The following PIAS3 variants were observed in gnomAD, a reference collection of about 807,000 sequenced individuals.
The protein encoded by PIAS3 is protein inhibitor of activated STAT 3, also known as E3 SUMO-protein ligase PIAS3.
In PIAS3, 34 loss-of-function variants were observed where a neutral mutation model predicts 67.6. That is an observed-to-expected ratio of 0.50 (90% confidence interval 0.38 to 0.67). The LOEUF (loss-of-function observed/expected upper bound fraction) is 0.67, where lower values mean the gene tolerates loss of function less well. PIAS3 is among the 30% of genes least tolerant of loss of function. PIAS3 has a pLI of 0.00. For synonymous variants in PIAS3, 341 were observed against 313.8 expected (o/e 1.09, Z -0.92); for missense variants, 693 against 791.6 (o/e 0.88, Z 1.49).
At chr1:145,857,618 C>A (rs1347167587) in intron 1 of PIAS3, among the ~76,000 whole-genome samples, 2 of 152,176 alleles carry the variant, frequency 1.3e-5, no homozygotes, top group African/African-American at 2.4e-5. Flanking sequence ...GGGTTCAATG[C>A]TCATAACTTC....
At position 145,854,546 on chromosome 1, in the gene PIAS3, C is replaced by T; in HGVS notation, c.822G>A (p.Val274=). The T allele has an allele frequency of 6.2e-7, 1 of 1,613,780 alleles. No homozygotes were observed. The highest frequency in any genetic ancestry group is 8.5e-7 in the Non-Finnish European group (1 of 1,179,696). The part of the protein sequence containing the change: ...SEFGRNYSLS[V]YLVRQLTAGT... Reference sequence around the variant, plus strand: ...CTGCAGTCAACTGCCTCACCAGGTACACAGACAAGGAGTAATTCTACTTGG... The same window carrying T: ...CTGCAGTCAACTGCCTCACCAGGTATACAGACAAGGAGTAATTCTACTTGG... The change falls in exon 7 of 14, where the codon GTG becomes GTA. Residue 274 remains valine (V), a synonymous_variant. Transcript: ENST00000393045.
intron 11 of PIAS3, 83 bp from the exon 12 acceptor site, chr1:145,850,669 C>G (rs782655796): frequency 6.3e-7 from 1 of 1,595,778 alleles, no homozygotes; most frequent in South Asian, 1.1e-5. Flanking sequence ...CTCTCTGTCC[C>G]CTCCACATTT....
At position 145,850,832 on chromosome 1, in the gene PIAS3, G is replaced by A. The variant is rs782648846; in HGVS notation, c.1387C>T (p.Pro463Ser). ...GTGACAGAACAGTGCTTCTTGGTAG[G>A]GGGCAGATCCTCCTCATCTGATGAG... Reference protein sequence around the residue: ...ESSSDEEDLPPTKKHCSVTSA... With the variant: ...ESSSDEEDLPSTKKHCSVTSA... The change falls in exon 11 of 14, where the codon CCT becomes TCT. Residue 463 changes from proline to serine, a missense_variant. Physicochemically the swap from Pro to Ser is moderately conservative, Grantham distance 74. Transcript: ENST00000393045. 3.1e-6 allele frequency: 5 copies of A among 1,614,222 alleles called. No homozygotes were observed. Among genetic ancestry groups the A allele is most frequent in the Middle Eastern group, 1.6e-4 (1 of 6,062 alleles).
chr1:145,853,927 C>A, intron 7 of PIAS3, 41 bp from the exon 8 acceptor site: 1 of 1,579,356 alleles, frequency 6.3e-7, no homozygotes, highest in Non-Finnish European at 8.7e-7. Flanking sequence ...GTCAGCAAGG[C>A]TGGAGGAAGC....
chr1:145,851,580 CA>C (rs1652965347), intron 9 of PIAS3, among the ~76,000 whole-genome samples: 1 of 147,932 alleles, frequency 6.8e-6, no homozygotes, highest in Non-Finnish European at 1.5e-5. Flanking sequence ...CGCTTGAACC[CA>C]GGAGGCAGAG....
chr1:145,856,968 C>T lies in PIAS3; in HGVS notation c.63G>A (p.Val21=). 1.2e-6 allele frequency: 2 copies of T among 1,614,146 alleles called. No individual in the cohort carries two copies. The highest frequency in any genetic ancestry group is 1.7e-6 in the Non-Finnish European group (2 of 1,180,002). Residue 21 remains valine, a synonymous_variant, in exon 2 of 14, where the codon GTG becomes GTA. Transcript: ENST00000393045. ...TGTTCCGGCCAGCAAAGCCAAGAAG[C>T]ACCTGGAGCTCAGACACCCGGAAAC... ...VMSFRVSELQ[V]LLGFAGRNKS...
intron 5 of PIAS3, among the ~76,000 whole-genome samples, chr1:145,855,483 CA>C (rs200826641): frequency 2.8e-4 from 36 of 129,426 alleles, no homozygotes; most frequent in Non-Finnish European, 2.8e-4. Flanking sequence ...GACTCTGTCT[CA>C]AAAAAAAAAA....
At chr1:145,852,837 C>G (rs1653016316) in intron 9 of PIAS3, among the ~76,000 whole-genome samples, 1 of 152,140 alleles carries the variant, frequency 6.6e-6, no homozygotes, top group Non-Finnish European at 1.5e-5. Flanking sequence ...CTCAAATGAT[C>G]TTCCCATCTC....
rs1553733665 is a variant in PIAS3 at position 145,849,676 on chromosome 1, G to T, written c.1657C>A (p.Gln553Lys). The T allele has an allele frequency of 6.2e-7, 1 of 1,611,478 alleles. No homozygotes were observed. The highest frequency in any genetic ancestry group is 1.7e-5 in the Admixed American group (1 of 59,612). Residue 553 changes from glutamine (Q) to lysine (K), a missense_variant, in exon 14 of 14, where the codon CAG becomes AAG. Gln to Lys is a moderately conservative substitution (Grantham distance 53). Transcript: ENST00000393045. ...TGGAAGAAGTGGCCAAGGGCATCCT[G>T]TTCATCTAGTGAGGTGATGACAGAG... Reference protein sequence around the residue: ...GPSVITSLDEQDALGHFFQYR... With the variant: ...GPSVITSLDEKDALGHFFQYR...
At chr1:145,858,620 G>C (rs1219712703) in intron 1 of PIAS3, among the ~76,000 whole-genome samples, 25 of 145,992 alleles carry the variant, frequency 1.7e-4, no homozygotes, top group Non-Finnish European at 2.5e-4. Context: ...GGCCTTGATC[G>C]ACTCGCCCCC....
In PIAS3 at chr1:145,850,925, G is replaced by A; in HGVS notation, c.1294C>T (p.Pro432Ser). ...TCTGATGGATCTCCCCCCTGGACTG[G>A]GCTGTACTGGAGGCCTGTGGGTATT... The part of the protein sequence containing the change: ...GYGLDGLQYS[P>S]VQGGDPSENK... Residue 432 changes from proline to serine, a missense_variant, in exon 11 of 14, where the codon CCA becomes TCA. By Grantham distance (74) the Pro-to-Ser change is moderately conservative. Around this residue, in one of 3 missense-constraint regions of PIAS3, gnomAD observed 270 missense variants for 261.0 expected, o/e 1.03. Coordinates refer to ENST00000393045, the MANE Select transcript of PIAS3 (RefSeq NM_006099.3). 6.2e-7 allele frequency: 1 copy of A among 1,614,162 alleles called. No homozygotes were observed. Among genetic ancestry groups the A allele is most frequent in the Non-Finnish European group, 8.5e-7 (1 of 1,180,040 alleles).
Position 145,853,670 on chromosome 1 carries a change from G to A in PIAS3, c.985-6C>T, listed in dbSNP as rs1653051287. 2.5e-6 allele frequency: 4 copies of A among 1,613,244 alleles called. No individual in the cohort carries two copies. The highest frequency in any genetic ancestry group is 1.3e-5 in the African/African-American group (1 of 74,862). On this transcript the variant is annotated splice_polypyrimidine_tract_variant and splice_region_variant and intron_variant, in intron 8 of 13. Transcript: ENST00000393045. ...GTCAGGCGCATCTTCCCTAGCTGAG[G>A]AGAAGCAAGTTCTCTTGTCAGAGGC...
chr1:145,852,996 T>TAC lies in PIAS3; in HGVS notation c.1145+506_1145+507dup, dbSNP rs370367599. The stretch of plus-strand genomic sequence containing the variant: ...CCCTCCCCCTCCACACACATGCACA[T>TAC]ACACACACACACACACAGACTGGTA... On this transcript the variant is annotated intron_variant, in intron 9 of 13. Coordinates refer to ENST00000393045, the MANE Select transcript of PIAS3 (RefSeq NM_006099.3). 5.2e-3 allele frequency among the ~76,000 whole-genome samples: 777 copies of TAC among 149,866 alleles called. 4 individuals carry two copies. The highest frequency in any genetic ancestry group is 0.017 in the African/African-American group (690 of 41,078).
rs1166249624 is a variant in PIAS3 at position 145,855,787 on chromosome 1, A to G, written c.618T>C (p.Tyr206=). Residue 206 remains tyrosine (Y), a synonymous_variant, in exon 5 of 14, where the codon TAT becomes TAC. Coordinates refer to ENST00000393045, the MANE Select transcript of PIAS3 (RefSeq NM_006099.3). The stretch of plus-strand genomic sequence containing the variant: ...CCTTGACAAAGAGGTTGGGGGGAAA[A>G]TAATCTTCCTGGGGGCAGCTGGTCT... ...LCETSCPQED[Y]FPPNLFVKVN... 1.9e-6 allele frequency: 3 copies of G among 1,610,602 alleles called. No homozygotes were observed. The highest frequency in any genetic ancestry group is 2.5e-6 in the Non-Finnish European group (3 of 1,176,928).
chr1:145,858,716 C>G (rs1553736073), intron 1 of PIAS3, among the ~76,000 whole-genome samples: 2 of 150,348 alleles, frequency 1.3e-5, no homozygotes, highest in African/African-American at 4.9e-5. Context: ...TCGTCCCCGC[C>G]CCCTGCGCCT....
Position 145,849,533 on chromosome 1 carries a change from C to T in PIAS3, c.1800G>A (p.Gly600=). The T allele has an allele frequency of 6.3e-7, 1 of 1,591,244 alleles. No individual in the cohort carries two copies. Among genetic ancestry groups the T allele is most frequent in the East Asian group, 2.3e-5 (1 of 43,928 alleles). The part of the protein sequence containing the change: ...PGRVSSIVAP[G]GALREGHGGP... ...CTCCATGCCCCTCCCTCAAGGCCCC[C>T]CCAGGGGCCACAATGCTGCTGACAC... Residue 600 remains glycine (G), a synonymous_variant, in exon 14 of 14, where the codon GGG becomes GGA. Transcript: ENST00000393045.
At position 145,848,681 on chromosome 1, in the gene PIAS3, C is replaced by T; in HGVS notation, c.*765G>A. 1.8e-6 allele frequency: 1 copy of T among 560,170 alleles called. No individual in the cohort carries two copies. The highest frequency in any genetic ancestry group is 3.2e-6 in the Non-Finnish European group (1 of 315,800). The allele number at this position is 560,170 out of a possible 1,614,324, so 34.7% of individuals were successfully genotyped here. The stretch of plus-strand genomic sequence containing the variant: ...CCTCCCTGGAAAGGTGCAGAATGAG[C>T]CAGGCCTAACTACAGGGCCATGAGC... On this transcript the variant is annotated 3_prime_UTR_variant, in exon 14 of 14. Coordinates refer to ENST00000393045, the MANE Select transcript of PIAS3 (RefSeq NM_006099.3).
rs1267960010 is a variant in PIAS3, at chr1:145,853,894, A to C, written c.911-8T>G. ...CAGTCAATTTCTCCTTGACTGAAAC[A>C]AAAGTGAGGCCAGAGCCATGGGGTC... On this transcript the variant is annotated splice_region_variant and splice_polypyrimidine_tract_variant and intron_variant, in intron 7 of 13. Coordinates refer to ENST00000393045, the MANE Select transcript of PIAS3 (RefSeq NM_006099.3). The C allele has an allele frequency of 6.2e-7, 1 of 1,613,310 alleles. No homozygotes were observed. Among genetic ancestry groups the C allele is most frequent in the African/African-American group, 1.3e-5 (1 of 74,908 alleles).
Position 145,856,575 on chromosome 1 carries a change from A to G in PIAS3, c.442+14T>C, listed in dbSNP as rs372272778. The G allele has an allele frequency of 4.4e-6, 7 of 1,573,420 alleles. No homozygotes were observed. The highest frequency in any genetic ancestry group is 6.0e-6 in the Non-Finnish European group (7 of 1,158,994). ...AGGGAGTCCAGAAGACTAAGGGACC[A>G]CAAAGAGCCATACCAAGGGTGGTGG... On this transcript the variant is annotated intron_variant, in intron 2 of 13. Transcript: ENST00000393045.
Sources: gnomAD v4.1 joint callset for allele counts (sites outside exome capture counted in the v4.1 genomes callset) on GRCh38, gnomAD v4.1.1 for gene constraint, gnomAD v4.1.1 regional missense constraint, MANE v1.5 for transcripts, NCBI Gene and HGNC (gene_info 2026-07-23, HGNC 2026-07-21) for gene names.